The following RELL1 variants were observed in gnomAD, a reference collection of about 807,000 sequenced individuals.
RELL1 encodes the protein RELT like 1.
RELL1 carries 10 observed loss-of-function variants against 23.0 expected under a neutral mutation model. That is an observed-to-expected ratio of 0.43 (90% CI 0.27 to 0.74). The LOEUF is 0.74. Ranked by LOEUF, RELL1 falls within the 30% of genes least tolerant of loss-of-function variation. RELL1 has a pLI of 0.19. For missense variants in RELL1, 315 were observed against 364.4 expected, an observed-to-expected ratio of 0.86 and a Z score of 1.10; for synonymous variants, 146 against 146.8, an observed-to-expected ratio of 0.99 and a Z score of 0.04.
At chr4:37,607,354 T>C (rs1577560018), downstream of RELL1, among the ~76,000 whole-genome samples, 1 of 152,270 alleles carries the variant, frequency 6.6e-6, no homozygotes, top group South Asian at 2.1e-4. Flanking sequence ...GAGGGAAGGG[T>C]TTACATGAAC....
downstream of RELL1, among the ~76,000 whole-genome samples, chr4:37,606,418 T>G (rs1371905174): frequency 6.6e-6 from 1 of 152,174 alleles, no homozygotes; most frequent in Non-Finnish European, 1.5e-5. This position sits in a 1 kb window ranked among gnomAD's most constrained non-coding sequence, Gnocchi z 4.1. Flanking sequence ...GACCTGTTGA[T>G]GTTGAAGTCC....
downstream of RELL1, among the ~76,000 whole-genome samples, chr4:37,607,537 C>G (rs1270549752): frequency 6.6e-6 from 1 of 151,470 alleles, no homozygotes; most frequent in Non-Finnish European, 1.5e-5. Flanking sequence ...TGTGTGGCAA[C>G]CCTGCAAGTC....
intron 6 of RELL1, among the ~76,000 whole-genome samples, chr4:37,595,788 C>G (rs1231391484): frequency 2.0e-5 from 3 of 152,104 alleles, no homozygotes; most frequent in Non-Finnish European, 2.9e-5. Flanking sequence ...AATGAGTCCA[C>G]GTTACCCTAA....
At chr4:37,617,706 C>T (rs980883709) in intron 6 of RELL1, among the ~76,000 whole-genome samples, 1 of 152,210 alleles carries the variant, frequency 6.6e-6, no homozygotes, top group Non-Finnish European at 1.5e-5. Flanking sequence ...TCGCTTGAAC[C>T]TGGGAAGCAG....
intron 1 of RELL1, among the ~76,000 whole-genome samples, chr4:37,676,337 T>C (rs1359468043): frequency 9.2e-5 from 14 of 152,146 alleles, no homozygotes; most frequent in Non-Finnish European, 1.6e-4. Flanking sequence ...GTTGGATAAA[T>C]AAGTAAATCA....
intron 6 of RELL1, among the ~76,000 whole-genome samples, chr4:37,630,241 G>A (rs1025629457): frequency 6.6e-6 from 1 of 151,864 alleles, no homozygotes; most frequent in Non-Finnish European, 1.5e-5. Flanking sequence ...CTTTTACAAG[G>A]GATAAGAAAC....
Position 37,619,342 on chromosome 4 carries a change from C to T in RELL1, c.*4-6000G>A, listed in dbSNP as rs77362048. ...GGACTACAGGCGTGCGGCATCACACCTGGCTAATTTTTGTATTTTTAGTAG... is the reference window on the plus strand; with the variant it reads ...GGACTACAGGCGTGCGGCATCACACTTGGCTAATTTTTGTATTTTTAGTAG... On this transcript the variant is annotated intron_variant, in intron 6 of 6. Coordinates refer to ENST00000454158, the MANE Select transcript of RELL1 (RefSeq NM_001085400.2). Among the ~76,000 whole-genome samples the T allele has an allele frequency of 1.6e-3, 236 of 152,158 alleles. 4 individuals are homozygous for T. In the East Asian group the frequency reaches 0.04, roughly 26 times the overall value.
chr4:37,591,775 T>C (rs919933011), intron 6 of RELL1: 4 of 152,260 alleles, frequency 2.6e-5, no homozygotes, highest in Admixed American at 1.3e-4. Context: ...AAGCCATATA[T>C]GCAATGTTTT....
chr4:37,626,341 G>A (rs1379369367), intron 6 of RELL1, among the ~76,000 whole-genome samples: 1 of 152,056 alleles, frequency 6.6e-6, no homozygotes, highest in Non-Finnish European at 1.5e-5. Context: ...AGCCAGGTGT[G>A]GTGGCTTGCA....
chr4:37,666,432 G>A (rs913510899), intron 1 of RELL1, among the ~76,000 whole-genome samples: 7 of 152,152 alleles, frequency 4.6e-5, no homozygotes, highest in African/African-American at 1.4e-4. Context: ...CTGTGCCTCA[G>A]TTTCCTCATC....
In RELL1 at chr4:37,631,814, T is replaced by C. The variant is rs868188585; in HGVS notation, c.681-291A>G. On this transcript the variant is annotated intron_variant, in intron 5 of 6. Coordinates refer to ENST00000454158, the MANE Select transcript of RELL1 (RefSeq NM_001085400.2). ...GGTATTGGCCAGGCATGGTGGCTTA[T>C]ACCTGCAATCCCAGCAGCACTTTGG... Among the ~76,000 whole-genome samples the C allele has an allele frequency of 2.0e-5, 3 of 151,996 alleles. No homozygotes were observed. The South Asian group carries it at 6.2e-4, about 32-fold the overall frequency.
At chr4:37,605,834 AG>A (rs1719190519), downstream of RELL1, among the ~76,000 whole-genome samples, 1 of 122,576 alleles carries the variant, frequency 8.2e-6, no homozygotes, top group African/African-American at 2.6e-5. Flanking sequence ...AAAGAAAGAA[AG>A]AAAGAAAGAA....
chr4:37,593,380 A>T (rs78101820), intron 6 of RELL1, among the ~76,000 whole-genome samples: 4,134 of 152,272 alleles, frequency 0.027, 220 homozygotes, highest in South Asian at 0.13. Flanking sequence ...CCCGCATATG[A>T]ATGACCCATG....
At position 37,635,764 on chromosome 4, in the gene RELL1, T is replaced by C. The variant is rs541757533; in HGVS notation, c.444-641A>G. Among the ~76,000 whole-genome samples, 5 of 152,378 alleles carry C rather than the reference T, an allele frequency of 3.3e-5. No homozygotes were observed. In the South Asian group the frequency reaches 1.0e-3, roughly 32 times the overall value. On this transcript the variant is annotated intron_variant, in intron 4 of 6. Transcript: ENST00000454158. ...ACACTGATCTCCTTTCTCATGCAAT[T>C]ATCCTAATTTCTCACATACCAGAGT...
At chr4:37,650,465 A>G (rs943719424) in intron 1 of RELL1, among the ~76,000 whole-genome samples, 3 of 152,208 alleles carry the variant, frequency 2.0e-5, no homozygotes, top group Non-Finnish European at 4.4e-5. Context: ...AGGCTCGTAT[A>G]TGATGGCATC....
chr4:37,632,560 G>A (rs567120961), intron 5 of RELL1, among the ~76,000 whole-genome samples: 37 of 152,232 alleles, frequency 2.4e-4, no homozygotes, highest in African/African-American at 7.7e-4. Context: ...ACCAGAAGAT[G>A]ACGAACTTCC....
rs555796399 is a variant in RELL1 at position 37,652,520 on chromosome 4, A to G, written c.89-3020T>C. On this transcript the variant is annotated intron_variant, in intron 1 of 6. Coordinates refer to ENST00000454158, the MANE Select transcript of RELL1 (RefSeq NM_001085400.2). Reference sequence around the variant, plus strand: ...AACACATATTCCACGCAACAAGAATAGGTGAAGTAGGCAGCATGCTGAGAT... The same window carrying G: ...AACACATATTCCACGCAACAAGAATGGGTGAAGTAGGCAGCATGCTGAGAT... Among the ~76,000 whole-genome samples the G allele has an allele frequency of 7.2e-5, 11 of 152,362 alleles. No individual in the cohort carries two copies. The South Asian group carries it at 1.7e-3, about 23-fold the overall frequency.
In RELL1 at chr4:37,594,835, T is replaced by C. The variant is rs575588052; in HGVS notation, c.*4-3618A>G. 1.5e-3 allele frequency among the ~76,000 whole-genome samples: 223 copies of C among 152,216 alleles called. 4 individuals are homozygous for C. In the Middle Eastern group the frequency reaches 0.031, roughly 21 times the overall value. On this transcript the variant is annotated intron_variant, in intron 6 of 6. Transcript: ENST00000314117. ...TCCAAGCAGGAGGCCTTAGAAAGAA[T>C]GAATGAGACACCAGATGCAAGTGCA...
Position 37,638,446 on chromosome 4 carries a change from C to G in RELL1, c.443+1G>C. On this transcript the variant is annotated splice_donor_variant, in intron 4 of 6. Coordinates refer to ENST00000454158, the MANE Select transcript of RELL1 (RefSeq NM_001085400.2). LOFTEE classifies it high-confidence loss of function. Reference sequence around the variant, plus strand: ...CTAAGAAAGAGGGGAGGAGCACTCACCTTTCAGGATCATACAGGCTGTTAT... The same window carrying G: ...CTAAGAAAGAGGGGAGGAGCACTCAGCTTTCAGGATCATACAGGCTGTTAT... The G allele has an allele frequency of 6.2e-7, 1 of 1,611,070 alleles. No individual in the cohort carries two copies.
Sources: allele counts gnomAD v4.1 joint callset (sites outside exome capture counted in the v4.1 genomes callset), GRCh38; gene constraint gnomAD v4.1.1; non-coding constraint Gnocchi (gnomAD v3.1); transcripts MANE v1.5; gene names NCBI Gene and HGNC (gene_info 2026-07-23, HGNC 2026-07-21).